AHNAK: variants seen among roughly 807,000 people sequenced by gnomAD.
AHNAK encodes the protein AHNAK nucleoprotein.
AHNAK carries 23 observed loss-of-function variants against 37.8 expected under a neutral mutation model. The ratio of observed to expected loss-of-function variants is 0.61; its 90% CI spans 0.44 to 0.86. AHNAK has a LOEUF of 0.86. AHNAK is among the 40% of genes least tolerant of loss of function. The pLI, the probability that AHNAK is intolerant of heterozygous loss-of-function variation, is 0.00. For synonymous variants in AHNAK, 2,481 were observed against 2,636.3 expected (o/e 0.94, Z 1.80); for missense variants, 7,411 against 7,319.4 (o/e 1.01, Z -0.46).
downstream of AHNAK, among the ~76,000 whole-genome samples, chr11:62,511,728 T>A (rs1194335008): frequency 6.6e-6 from 1 of 152,096 alleles, no homozygotes; most frequent in Non-Finnish European, 1.5e-5. Context: ...TTCAAACTTA[T>A]CAAACAGAAA....
chr11:62,534,345 G>A (rs1200414461), intron 4 of AHNAK, among the ~76,000 whole-genome samples: 1 of 152,168 alleles, frequency 6.6e-6, no homozygotes, highest in Non-Finnish European at 1.5e-5. Flanking sequence ...GGACTGGGAG[G>A]ATTTCCATTC....
chr11:62,531,507 C>G lies in AHNAK; in HGVS notation c.2910G>C (p.Lys970Asn). The change falls in exon 5 of 5, where the codon AAG (lysine) becomes AAC (asparagine). Residue 970 changes from lysine (K) to asparagine (N), a missense_variant. Transcript: ENST00000378024. ...VKGEYDMTVP[K>N]LEGDLKGPKV... ...TTGGGCCTTTCAGGTCCCCTTCCAG[C>G]TTTGGCACTGTCATATCATATTCTC... is the stretch of plus-strand genomic sequence containing the variant. 1 of 1,614,180 alleles carries G rather than the reference C, an allele frequency of 6.2e-7. No individual in the cohort carries two copies. The highest frequency in any genetic ancestry group is 8.5e-7 in the Non-Finnish European group (1 of 1,180,026).
rs1210337996 is a variant in AHNAK at position 62,519,857 on chromosome 11, C to A, written c.14560G>T (p.Val4854Phe). 6.2e-7 allele frequency: 1 copy of A among 1,614,004 alleles called. No individual in the cohort carries two copies. The highest frequency in any genetic ancestry group is 1.7e-5 in the Admixed American group (1 of 59,990). The stretch of plus-strand genomic sequence containing the variant: ...TTGGGTCCTTTCAAATCCAGGTCAA[C>A]ATCAGGTATGGAGATCTTGGGAGCT... ...IKAPKISIPD[V>F]DLDLKGPKVK... The change falls in exon 5 of 5, where the codon GTT (valine) becomes TTT (phenylalanine). Residue 4854 changes from valine (V) to phenylalanine (F), a missense_variant. Transcript: ENST00000378024.
Position 62,533,074 on chromosome 11 carries a change from T to C in AHNAK, c.1343A>G (p.Glu448Gly). 1 of 1,608,264 alleles carries C rather than the reference T, an allele frequency of 6.2e-7. No individual in the cohort carries two copies. The highest frequency in any genetic ancestry group is 8.5e-7 in the Non-Finnish European group (1 of 1,177,908). ...KFSVSGAKGE[E>G]TGIDVTLPTG... ...AGGCAGTGTCACATCAATCCCAGTT[T>C]CCTCTCCCTTTGCACCTGATACAGA... Residue 448 changes from glutamate (E) to glycine (G), a missense_variant, in exon 5 of 5, where the codon GAA becomes GGA. By Grantham distance (98) the Glu-to-Gly change is moderately conservative. Transcript: ENST00000378024.
Position 62,520,322 on chromosome 11 carries a change from C to T in AHNAK, c.14095G>A (p.Gly4699Ser). Residue 4699 changes from glycine (G) to serine (S), a missense_variant, in exon 5 of 5, where the codon GGT becomes AGT. Gly to Ser is a moderately conservative substitution (Grantham distance 56). Transcript: ENST00000378024. ...DVDVPDVNIE[G>S]PDAKLKGPKF... is the part of the protein sequence containing the mutation. ...GGGCCCTTTAGTTTCGCATCTGGAC[C>T]TTCGATATTCACATCAGGAACATCA... 6.2e-7 allele frequency: 1 copy of T among 1,613,412 alleles called. No homozygotes were observed. Among genetic ancestry groups the T allele is most frequent in the Admixed American group, 1.7e-5 (1 of 59,888 alleles).
intron 5 of AHNAK, among the ~76,000 whole-genome samples, chr11:62,472,524 C>T (rs894033598): frequency 1.9e-4 from 29 of 152,034 alleles, no homozygotes; most frequent in African/African-American, 6.5e-4. Flanking sequence ...TCCTCCTTCC[C>T]GCCTCTCAGC....
At chr11:62,457,430 A>G (rs1849728534) in intron 5 of AHNAK, among the ~76,000 whole-genome samples, 1 of 151,550 alleles carries the variant, frequency 6.6e-6, no homozygotes, top group Non-Finnish European at 1.5e-5. Context: ...CCTGGGTGAC[A>G]GACCGAGACT....
In AHNAK at chr11:62,526,551, A is replaced by G. The variant is rs1410634876; in HGVS notation, c.7866T>C (p.Ile2622=). 6.2e-7 allele frequency: 1 copy of G among 1,611,518 alleles called. No individual in the cohort carries two copies. Among genetic ancestry groups the G allele is most frequent in the Non-Finnish European group, 8.5e-7 (1 of 1,179,538 alleles). The change falls in exon 5 of 5, where the codon ATT becomes ATC. Residue 2622 remains isoleucine (I), a synonymous_variant. Coordinates refer to ENST00000378024, the MANE Select transcript of AHNAK (RefSeq NM_001620.3). ...CTTGAACACCCACATCTGGGGCATT[A>G]ATATCCACTTTGGGCCCCTTGATGT... ...EVDIKGPKVD[I]NAPDVGVQGP...
At position 62,517,642 on chromosome 11, in the gene AHNAK, C is replaced by G. The variant is rs748718859; in HGVS notation, c.16775G>C (p.Gly5592Ala). The G allele has an allele frequency of 6.2e-7, 1 of 1,614,164 alleles. No homozygotes were observed. Among genetic ancestry groups the G allele is most frequent in the East Asian group, 2.2e-5 (1 of 44,878 alleles). Reference sequence around the variant, plus strand: ...GGGTCCCTTCCACTCACCCCCGGAACCTTTAACACTCAAATGCCCTTCACC... The same window carrying G: ...GGGTCCCTTCCACTCACCCCCGGAAGCTTTAACACTCAAATGCCCTTCACC... ...SLGEGHLSVKGSGGEWKGPQV... is the reference protein window; with the variant it reads ...SLGEGHLSVKASGGEWKGPQV... The change falls in exon 5 of 5, where the codon GGT (glycine) becomes GCT (alanine). Residue 5592 changes from glycine to alanine, a missense_variant. Coordinates refer to ENST00000378024, the MANE Select transcript of AHNAK (RefSeq NM_001620.3).
chr11:62,504,363 C>G (rs1280180621), intron 4 of AHNAK, among the ~76,000 whole-genome samples: 2 of 152,032 alleles, frequency 1.3e-5, no homozygotes, highest in Non-Finnish European at 2.9e-5. Context: ...TGGGGCTCCT[C>G]CCTCCTGCAG....
At chr11:62,538,426 C>T (rs999071894) in intron 1 of AHNAK, among the ~76,000 whole-genome samples, 13 of 152,222 alleles carry the variant, frequency 8.5e-5, no homozygotes, top group Admixed American at 5.9e-4. Flanking sequence ...CATAGGGCCA[C>T]GGACTACAGC....
At chr11:62,501,844 C>G (rs1405513676) in intron 4 of AHNAK, among the ~76,000 whole-genome samples, 2 of 152,224 alleles carry the variant, frequency 1.3e-5, no homozygotes. Context: ...GCTGCAAAGA[C>G]AAAGCCAGCC....
chr11:62,523,486 T>C lies in AHNAK; in HGVS notation c.10931A>G (p.Asp3644Gly). 6.2e-7 allele frequency: 1 copy of C among 1,613,808 alleles called. No individual in the cohort carries two copies. The highest frequency in any genetic ancestry group is 8.5e-7 in the Non-Finnish European group (1 of 1,179,972). Residue 3644 changes from aspartate (D) to glycine (G), a missense_variant, in exon 5 of 5, where the codon GAC becomes GGC. Coordinates refer to ENST00000378024, the MANE Select transcript of AHNAK (RefSeq NM_001620.3). ...TGCATCTGGACCTTCAATATTCACG[T>C]CTGGAACATCAACGTCTACATTGGG... Reference protein sequence around the residue: ...SGPNVDVDVPDVNIEGPDAKL... With the variant: ...SGPNVDVDVPGVNIEGPDAKL...
chr11:62,500,839 G>A (rs764595131), intron 4 of AHNAK, among the ~76,000 whole-genome samples: 7 of 152,226 alleles, frequency 4.6e-5, no homozygotes, highest in East Asian at 3.8e-4. Context: ...ACAAGGCAGC[G>A]TTGAGCTGGG....
intron 5 of AHNAK, chr11:62,433,908 A>G (rs367556470): frequency 7.6e-5 from 123 of 1,613,002 alleles, no homozygotes; most frequent in African/African-American, 1.3e-4. Context: ...AACAACAACA[A>G]AGAGATTTAT....
chr11:62,533,644 A>C lies in AHNAK; in HGVS notation c.773T>G (p.Val258Gly). 1 of 1,614,066 alleles carries C rather than the reference A, an allele frequency of 6.2e-7. No homozygotes were observed. The highest frequency in any genetic ancestry group is 1.1e-5 in the South Asian group (1 of 91,068). The change falls in exon 5 of 5, where the codon GTC becomes GGC. Residue 258 changes from valine to glycine, a missense_variant. Physicochemically the swap from Val to Gly is moderately radical, Grantham distance 109. Transcript: ENST00000378024. ...MPGIKVGGSG[V>G]NVNAKGLDLG... ...GTCCAAGCCCTTTGCATTGACATTG[A>C]CACCTGAGCCTCCCACCTTTATCCC...
At chr11:62,461,035 C>G (rs1938772388) in intron 5 of AHNAK, among the ~76,000 whole-genome samples, 1 of 136,882 alleles carries the variant, frequency 7.3e-6, no homozygotes. Context: ...CAGGGTTTCA[C>G]TGTGTTAGCC....
Position 62,516,671 on chromosome 11 carries a change from T to G in AHNAK, c.*73A>C. 1 of 1,515,142 alleles carries G rather than the reference T, an allele frequency of 6.6e-7. No homozygotes were observed. The highest frequency in any genetic ancestry group is 1.4e-5 in the South Asian group (1 of 72,192). 93.9% of individuals were successfully genotyped at this position (1,515,142 alleles called of 1,614,324 possible). A position where few individuals can be genotyped will look rare whatever the true frequency, so the allele number is the denominator to read the frequency against. On this transcript the variant is annotated 3_prime_UTR_variant, in exon 5 of 5. Coordinates refer to ENST00000378024, the MANE Select transcript of AHNAK (RefSeq NM_001620.3). ...CAGTCGGTGTGTTTCCCTTTGGAGT[T>G]TATATAGGAACACACCACCCAAGGC...
intron 5 of AHNAK, chr11:62,433,935 G>T (rs1426871142): frequency 6.2e-7 from 1 of 1,603,538 alleles, no homozygotes; most frequent in Admixed American, 1.7e-5. Context: ...CACACTATTT[G>T]CATCTCTCCA....
Sources: allele counts gnomAD v4.1 joint callset (sites outside exome capture counted in the v4.1 genomes callset), GRCh38; gene constraint gnomAD v4.1.1; transcripts MANE v1.5; gene names NCBI Gene and HGNC (gene_info 2026-07-23, HGNC 2026-07-21).